The following TTYH2 variants were observed in gnomAD, a reference collection of about 807,000 sequenced individuals.
TTYH2 encodes tweety family member 2, also known as protein tweety homolog 2.
TTYH2 carries 49 observed loss-of-function variants against 68.3 expected under a neutral mutation model. The ratio of observed to expected loss-of-function variants is 0.72; its 90% confidence interval spans 0.57 to 0.91. The LOEUF (loss-of-function observed/expected upper bound fraction) is 0.91. Ranked by LOEUF, TTYH2 falls within the 40% of genes least tolerant of loss-of-function variation. TTYH2 has a pLI of 0.00. For missense variants in TTYH2, 631 were observed against 700.4 expected, an observed-to-expected ratio of 0.90 and a Z score of 1.12; for synonymous variants, 272 against 300.8, an observed-to-expected ratio of 0.90 and a Z score of 0.99.
At position 74,238,265 on chromosome 17, in the gene TTYH2, G is replaced by A. The variant is rs569614882; in HGVS notation, c.635+751G>A. On this transcript the variant is annotated intron_variant, in intron 4 of 13. Transcript: ENST00000269346. ...CAGGGTTATGGGGGGTTGAGGAGATGAGCACCCGGCTAAGGGTGCTAAGAA... is the reference window on the plus strand; with the variant it reads ...CAGGGTTATGGGGGGTTGAGGAGATAAGCACCCGGCTAAGGGTGCTAAGAA... Among the ~76,000 whole-genome samples the A allele has an allele frequency of 3.2e-4, 49 of 152,332 alleles. 2 individuals carry two copies. Among genetic ancestry groups the A allele is most frequent in the Admixed American group, 3.1e-3 (47 of 15,294 alleles).
chr17:74,235,204 G>A (rs2050430571), intron 3 of TTYH2, among the ~76,000 whole-genome samples: 1 of 152,226 alleles, frequency 6.6e-6, no homozygotes, highest in South Asian at 2.1e-4. Context: ...CCACACAGCT[G>A]ATGTGAAGTC....
chr17:74,245,877 G>A (rs1292688116), intron 6 of TTYH2, among the ~76,000 whole-genome samples: 1 of 152,236 alleles, frequency 6.6e-6, no homozygotes, highest in Non-Finnish European at 1.5e-5. Context: ...GATTGACAAG[G>A]CCTCCCTTCC....
intron 7 of TTYH2, 51 bp downstream of exon 7, chr17:74,249,131 C>G (rs776485786): frequency 6.2e-7 from 1 of 1,612,068 alleles, no homozygotes; most frequent in African/African-American, 1.3e-5. Flanking sequence ...TGGCCGGACT[C>G]TGTGCCCCTA....
chr17:74,235,342 G>A (rs1382863295), intron 3 of TTYH2, among the ~76,000 whole-genome samples: 1 of 152,192 alleles, frequency 6.6e-6, no homozygotes, highest in Non-Finnish European at 1.5e-5. Flanking sequence ...GGAGCTGAAG[G>A]CTGCCGAGTG....
chr17:74,230,972 C>T lies in TTYH2; in HGVS notation c.387C>T (p.Asn129=). The part of the protein sequence containing the change: ...YQLMYSLDDA[N]HTFSGIDALV... The stretch of plus-strand genomic sequence containing the variant: ...TGATGTACTCCTTGGACGATGCCAA[C>T]CACACCTTCTCTGGGATCGATGCTC... The change falls in exon 3 of 14, where the codon AAC becomes AAT. Residue 129 remains asparagine, a synonymous_variant. Coordinates refer to ENST00000269346, the MANE Select transcript of TTYH2 (RefSeq NM_032646.6). 1 of 1,614,138 alleles carries T rather than the reference C, an allele frequency of 6.2e-7. No individual in the cohort carries two copies. The highest frequency in any genetic ancestry group is 8.5e-7 in the Non-Finnish European group (1 of 1,180,010).
intron 11 of TTYH2, among the ~76,000 whole-genome samples, chr17:74,252,807 T>C (rs1163016627): frequency 6.6e-6 from 1 of 152,154 alleles, no homozygotes; most frequent in Non-Finnish European, 1.5e-5. Context: ...TACAGGCACC[T>C]GGTGAGCGGA....
intron 7 of TTYH2, 110 bp downstream of exon 7, chr17:74,249,190 C>T: frequency 1.9e-6 from 3 of 1,571,070 alleles, no homozygotes; most frequent in Non-Finnish European, 2.6e-6. Context: ...CAACCCTGAA[C>T]TTCAAGTCCA....
chr17:74,247,181 CAA>C (rs71157049), intron 6 of TTYH2, among the ~76,000 whole-genome samples: 2,337 of 77,152 alleles, frequency 0.03, 49 homozygotes, highest in African/African-American at 0.088. Context: ...GACTCTGTCT[CAA>C]AAAAAAAAAA....
chr17:74,258,162 TAAAA>T (rs1328191704), intron 13 of TTYH2, among the ~76,000 whole-genome samples: 1 of 150,834 alleles, frequency 6.6e-6, no homozygotes, highest in Non-Finnish European at 1.5e-5. Flanking sequence ...TCAAAGAAAA[TAAAA>T]AAGAAGAAGG....
At chr17:74,219,367 G>A (rs923058549) in intron 1 of TTYH2, among the ~76,000 whole-genome samples, 15 of 126,386 alleles carry the variant, frequency 1.2e-4, no homozygotes, top group African/African-American at 6.3e-4. Flanking sequence ...CCAGCCTGGC[G>A]ACAGAGCAAG....
chr17:74,237,012 T>G (rs892516462), intron 3 of TTYH2, among the ~76,000 whole-genome samples: 2 of 151,512 alleles, frequency 1.3e-5, no homozygotes, highest in African/African-American at 4.9e-5. Context: ...TTGTCCTGCC[T>G]CAACCTCCCA....
intron 4 of TTYH2, among the ~76,000 whole-genome samples, chr17:74,240,571 A>G (rs894645644): frequency 3.9e-5 from 6 of 152,168 alleles, no homozygotes; most frequent in African/African-American, 1.4e-4. Context: ...GCTCTGCAAA[A>G]AAAGCCCTCC....
chr17:74,235,904 A>C (rs543267788), intron 3 of TTYH2, among the ~76,000 whole-genome samples: 2 of 152,110 alleles, frequency 1.3e-5, no homozygotes, highest in African/African-American at 4.8e-5. Context: ...TCAAAAAAAA[A>C]AAAAAAACAA....
intron 6 of TTYH2, among the ~76,000 whole-genome samples, chr17:74,245,169 G>T (rs1248729793): frequency 1.3e-5 from 2 of 152,208 alleles, no homozygotes; most frequent in East Asian, 3.8e-4. Context: ...AGCACCTTAG[G>T]CAGAGGCTTG....
chr17:74,228,794 GAACAAC>G (rs1176889815), intron 2 of TTYH2, among the ~76,000 whole-genome samples: 2 of 152,328 alleles, frequency 1.3e-5, no homozygotes, highest in Non-Finnish European at 2.9e-5. Context: ...CAGAGCTGAT[GAACAAC>G]CTGGACTTGA....
In TTYH2 at chr17:74,238,727, C is replaced by T. The variant is rs375653053; in HGVS notation, c.635+1213C>T. Among the ~76,000 whole-genome samples, 7 of 152,000 alleles carry T rather than the reference C, an allele frequency of 4.6e-5. No individual in the cohort carries two copies. In the South Asian group the frequency reaches 6.3e-4, roughly 14 times the overall value. On this transcript the variant is annotated intron_variant, in intron 4 of 13. Coordinates refer to ENST00000269346, the MANE Select transcript of TTYH2 (RefSeq NM_032646.6). Reference sequence around the variant, plus strand: ...ACTAAAAAATACAAAATTAGCTGGGCGTGGTGGCGCATGCCTGTAATCCCA... The same window carrying T: ...ACTAAAAAATACAAAATTAGCTGGGTGTGGTGGCGCATGCCTGTAATCCCA...
At chr17:74,230,405 A>G (rs2050376227) in intron 2 of TTYH2, among the ~76,000 whole-genome samples, 1 of 152,076 alleles carries the variant, frequency 6.6e-6, no homozygotes, top group South Asian at 2.1e-4. Context: ...AACACATGTC[A>G]TTATCCATAT....
In TTYH2 at chr17:74,222,162, G is replaced by A. The variant is rs932426880; in HGVS notation, c.130-323G>A. Among the ~76,000 whole-genome samples, 5 of 152,126 alleles carry A rather than the reference G, an allele frequency of 3.3e-5. No homozygotes were observed. The highest frequency in any genetic ancestry group is 5.9e-5 in the Non-Finnish European group (4 of 68,020). ...CCTGCCTTGTCTCCTGAGTGGCTCGGACTCTTCATCAGCAGGGCCTGGTCC... is the reference window on the plus strand; with the variant it reads ...CCTGCCTTGTCTCCTGAGTGGCTCGAACTCTTCATCAGCAGGGCCTGGTCC... On this transcript the variant is annotated intron_variant, in intron 1 of 13. Coordinates refer to ENST00000269346, the MANE Select transcript of TTYH2 (RefSeq NM_032646.6). The surrounding 1 kb of genome is among the most constrained non-coding windows in gnomAD (Gnocchi z 5.2).
In TTYH2 at chr17:74,217,362, T is replaced by C. The variant is rs2050230861; in HGVS notation, c.129+3646T>C. ...TTTAGGCATGTATTTCCACGTGTTC[T>C]CTCATTGGTTGGTTCCGTTCATAGA... On this transcript the variant is annotated intron_variant, in intron 1 of 13. Transcript: ENST00000269346. This position sits in a 1 kb window ranked among gnomAD's most constrained non-coding sequence, Gnocchi z 4.0. Among the ~76,000 whole-genome samples the C allele has an allele frequency of 6.6e-6, 1 of 152,210 alleles. No homozygotes were observed.
Sources: gnomAD v4.1 joint callset for allele counts (sites outside exome capture counted in the v4.1 genomes callset) on GRCh38, gnomAD v4.1.1 for gene constraint, Gnocchi (gnomAD v3.1) non-coding constraint, MANE v1.5 for transcripts, NCBI Gene and HGNC (gene_info 2026-07-23, HGNC 2026-07-21) for gene names.